The following UGT1A9 variants were observed in gnomAD, a reference collection of about 807,000 sequenced individuals.
UGT1A9 encodes UDP-glucuronosyltransferase 1A9.
Under a neutral mutation model 45.0 loss-of-function variants are expected in UGT1A9, and 35 were observed. The observed-to-expected ratio is 0.78, with a 90% CI of 0.59 to 1.03. UGT1A9 has a LOEUF of 1.03. Among genes scored for constraint, UGT1A9 ranks in the 50% least tolerant of loss-of-function variants. The pLI is 0.00. For missense variants in UGT1A9, 687 were observed against 666.6 expected (o/e 1.03, Z -0.34); for synonymous variants, 278 against 250.6 (o/e 1.11, Z -1.03).
rs3213726 is a variant in UGT1A9, at chr2:233,766,877, C to A, written c.856-157C>A. ...GAAGGAAGTAAAGGAGAGGAAAATG[C>A]TGTAAAACTTACATATTAATAATTT... On this transcript the variant is annotated intron_variant, in intron 1 of 4. Coordinates refer to ENST00000354728, the MANE Select transcript of UGT1A9 (RefSeq NM_021027.3). Among the ~76,000 whole-genome samples, 50 of 152,336 alleles carry A rather than the reference C, an allele frequency of 3.3e-4. No homozygotes were observed. The East Asian group carries it at 9.2e-3, about 28-fold the overall frequency.
intron 1 of UGT1A9, chr2:233,722,037 T>C (rs1179266679): frequency 1.2e-5 from 3 of 240,304 alleles, no homozygotes; most frequent in African/African-American, 2.3e-5. Flanking sequence ...AATTGCATGA[T>C]TTTGTGGTGT....
chr2:233,770,091 G>A (rs1182025509), intron 4 of UGT1A9: 1 of 152,674 alleles, frequency 6.5e-6, no homozygotes, highest in East Asian at 1.9e-4. Context: ...CAGTGGTATA[G>A]ATAACTACTT....
At chr2:233,747,854 G>A (rs28900382) in intron 1 of UGT1A9, 43 of 1,613,390 alleles carry the variant, frequency 2.7e-5, no homozygotes, top group Non-Finnish European at 3.6e-5. Flanking sequence ...TCAAGAACAT[G>A]CTCTACCCTC....
rs17868341 is a variant in UGT1A9 at position 233,761,240 on chromosome 2, C to T, written c.856-5794C>T. ...TAACTAGCCCCAGATATATGCTGAG[C>T]AAGCATTCTGAGATAATTTAAAATG... is the stretch of plus-strand genomic sequence containing the variant. On this transcript the variant is annotated intron_variant, in intron 1 of 4. Coordinates refer to ENST00000354728, the MANE Select transcript of UGT1A9 (RefSeq NM_021027.3). 0.052 allele frequency: 84,282 copies of T among 1,611,682 alleles called. 2,670 individuals carry two copies. The highest frequency in any genetic ancestry group is 0.063 in the Non-Finnish European group (74,222 of 1,178,902).
Position 233,772,475 on chromosome 2 carries a change from C to T in UGT1A9, c.1509C>T (p.Thr503=), listed in dbSNP as rs190427553. ...TCGTGCTGACAGTGGCCTTCATCAC[C>T]TTTAAATGTTGTGCTTATGGCTACC... ...LAVVLTVAFI[T]FKCCAYGYRK... is the part of the protein sequence containing the mutation. The change falls in exon 5 of 5, where the codon ACC becomes ACT. Residue 503 remains threonine (T), a synonymous_variant. Transcript: ENST00000354728. 20 of 1,614,018 alleles carry T rather than the reference C, an allele frequency of 1.2e-5. No individual in the cohort carries two copies. The highest frequency in any genetic ancestry group is 5.3e-5 in the African/African-American group (4 of 74,894).
chr2:233,771,260 CT>C (rs891018282), intron 4 of UGT1A9: 2 of 151,568 alleles, frequency 1.3e-5, no homozygotes, highest in Non-Finnish European at 1.5e-5. Context: ...ATAGGAGTGC[CT>C]TTTTTTTTCT....
intron 1 of UGT1A9, among the ~76,000 whole-genome samples, chr2:233,675,998 GAATGGAGAATTCAGA>G (rs2074342378): frequency 6.6e-6 from 1 of 152,208 alleles, no homozygotes; most frequent in Non-Finnish European, 1.5e-5. Flanking sequence ...CAATGGAATA[GAATGGAGAATTCAGA>G]AATAAACCCA....
chr2:233,755,330 C>G (rs1695864854), intron 1 of UGT1A9: 1 of 463,614 alleles, frequency 2.2e-6, no homozygotes, highest in Non-Finnish European at 3.7e-6. Context: ...TGCCAGCACC[C>G]GCGCACAGGT....
rs1699582839 is a variant in UGT1A9, at chr2:233,768,178, C to CA, written c.1076-41dup. On this transcript the variant is annotated intron_variant, in intron 3 of 4. Transcript: ENST00000354728. ...CCTAGATGTGTCCAGCTGTGAAACTCAGAGATGTAACTGCTGACATCCTCC... is the reference window on the plus strand; with the variant it reads ...CCTAGATGTGTCCAGCTGTGAAACTCAAGAGATGTAACTGCTGACATCCTCC... 5.6e-6 allele frequency: 9 copies of CA among 1,613,764 alleles called. No individual in the cohort carries two copies. In the Admixed American group the frequency reaches 8.3e-5, roughly 15 times the overall value.
chr2:233,700,299 A>T (rs888595799), intron 1 of UGT1A9, among the ~76,000 whole-genome samples: 1 of 152,336 alleles, frequency 6.6e-6, no homozygotes, highest in East Asian at 1.9e-4. Flanking sequence ...ACTTAGGCCA[A>T]TGTCTACAAT....
chr2:233,751,466 T>C (rs1694736440), intron 1 of UGT1A9, among the ~76,000 whole-genome samples: 1 of 152,134 alleles, frequency 6.6e-6, no homozygotes. Context: ...GAAGGCACGA[T>C]TGGTTTTGAA....
chr2:233,741,629 C>T (rs1691726139), intron 1 of UGT1A9: 1 of 151,834 alleles, frequency 6.6e-6, no homozygotes, highest in Non-Finnish European at 1.5e-5. Context: ...CCCATGAGCC[C>T]CTGTGGGATG....
chr2:233,768,067 T>C, intron 3 of UGT1A9, 131 bp downstream of exon 3: 1 of 1,596,454 alleles, frequency 6.3e-7, no homozygotes, highest in Non-Finnish European at 8.5e-7. Context: ...GCTTTTTATC[T>C]AGTGGGGTAT....
chr2:233,759,264 GCTGCATT>G (rs1697095056), intron 1 of UGT1A9, among the ~76,000 whole-genome samples: 1 of 152,204 alleles, frequency 6.6e-6, no homozygotes, highest in South Asian at 2.1e-4. Context: ...GGTCACTGCA[GCTGCATT>G]CTGATTGGTT....
chr2:233,707,291 A>G (rs1422341109), intron 1 of UGT1A9, among the ~76,000 whole-genome samples: 1 of 152,142 alleles, frequency 6.6e-6, no homozygotes, highest in Non-Finnish European at 1.5e-5. Context: ...GCACACATGC[A>G]GGATGTGCAG....
rs45516494 is a variant in UGT1A9 at position 233,719,303 on chromosome 2, G to A, written c.855+46514G>A. 3.5e-4 allele frequency: 567 copies of A among 1,613,968 alleles called. 2 individuals carry two copies. In the African/African-American group the frequency reaches 6.9e-3, roughly 20 times the overall value. ...CCGTTAACCTCTGTGGGGCGGTGCTGGCTAAGTACCTGTCGATTCCTGCTG... is the reference window on the plus strand; with the variant it reads ...CCGTTAACCTCTGTGGGGCGGTGCTAGCTAAGTACCTGTCGATTCCTGCTG... On this transcript the variant is annotated intron_variant, in intron 1 of 4. Transcript: ENST00000354728.
chr2:233,725,911 A>G (rs1258328024), intron 1 of UGT1A9, among the ~76,000 whole-genome samples: 2 of 152,166 alleles, frequency 1.3e-5, no homozygotes. Flanking sequence ...CACACCTGCA[A>G]TTTCAGCCCT....
chr2:233,675,639 A>G (rs969271849), intron 1 of UGT1A9, among the ~76,000 whole-genome samples: 10 of 152,196 alleles, frequency 6.6e-5, no homozygotes, highest in Non-Finnish European at 1.3e-4. Flanking sequence ...TTTTATTTTC[A>G]AAGTTTTCAA....
At chr2:233,682,209 T>C (rs748750043) in intron 1 of UGT1A9, 10 of 1,614,108 alleles carry the variant, frequency 6.2e-6, no homozygotes, top group Middle Eastern at 1.6e-4. Context: ...CGGGAGTTCA[T>C]GGTTTTTGCC....
Sources: allele counts gnomAD v4.1 joint callset (sites outside exome capture counted in the v4.1 genomes callset), GRCh38; gene constraint gnomAD v4.1.1; transcripts MANE v1.5; gene names NCBI Gene and HGNC (gene_info 2026-07-23, HGNC 2026-07-21).